MALRD1: variants seen among roughly 807,000 people sequenced by gnomAD.
The protein encoded by MALRD1 is MAM and LDL receptor class A domain containing 1.
MALRD1 carries 247 observed loss-of-function variants against 242.1 expected under a neutral mutation model. That is an observed-to-expected ratio of 1.02 (90% CI 0.92 to 1.13). The LOEUF (loss-of-function observed/expected upper bound fraction) is 1.13. MALRD1 is among the 50% of genes most tolerant of loss of function. The pLI is 0.00. For missense variants in MALRD1, 2,989 were observed against 2,533.1 expected (o/e 1.18, Z -3.86); for synonymous variants, 995 against 866.6 (o/e 1.15, Z -2.60).
rs752446407 is a variant in MALRD1, at chr10:19,450,318, A to G, written c.4857A>G (p.Gly1619=). The change falls in exon 29 of 40, where the codon GGA becomes GGG. Residue 1619 remains glycine (G), a synonymous_variant. Transcript: ENST00000454679. ...SIQILIKTEK[G]LSKVWQESKQ... ...TTCTTTACTTTCAGACAGAGAAAGG[A>G]CTATCAAAAGTATGGCAAGAAAGTA... is the stretch of plus-strand genomic sequence containing the variant. 7 of 1,548,194 alleles carry G rather than the reference A, an allele frequency of 4.5e-6. No homozygotes were observed. Among genetic ancestry groups the G allele is most frequent in the East Asian group, 4.9e-5 (2 of 40,902 alleles).
intron 4 of MALRD1, among the ~76,000 whole-genome samples, chr10:19,098,945 A>T (rs1836145484): frequency 6.6e-6 from 1 of 152,176 alleles, no homozygotes; most frequent in Non-Finnish European, 1.5e-5. Flanking sequence ...TTATTTGCAT[A>T]AGGCACAAAA....
At chr10:19,696,762 A>G (rs892475595) in intron 38 of MALRD1, among the ~76,000 whole-genome samples, 1 of 151,788 alleles carries the variant, frequency 6.6e-6, no homozygotes, top group Non-Finnish European at 1.5e-5. Context: ...AAAAAAAAAA[A>G]AAAATTAGCC....
intron 18 of MALRD1, among the ~76,000 whole-genome samples, chr10:19,229,576 T>C (rs34615272): frequency 0.03 from 4,627 of 152,286 alleles, 107 homozygotes; most frequent in Non-Finnish European, 0.048. Flanking sequence ...AATCCAAATT[T>C]ATTCTCTCGT....
chr10:19,225,521 T>C (rs1223463026), intron 18 of MALRD1, among the ~76,000 whole-genome samples: 1 of 96,314 alleles, frequency 1.0e-5, no homozygotes, highest in Non-Finnish European at 2.1e-5. Flanking sequence ...TATATATATT[T>C]TTTCTGTCAT....
At position 19,048,853 on chromosome 10, in the gene MALRD1, A is replaced by G; in HGVS notation, c.-86A>G. 9.4e-7 allele frequency: 1 copy of G among 1,068,234 alleles called. No individual in the cohort carries two copies. 66.2% of individuals were successfully genotyped at this position (1,068,234 alleles called of 1,614,324 possible). A position where few individuals can be genotyped will look rare whatever the true frequency, so the allele number is the denominator to read the frequency against. On this transcript the variant is annotated 5_prime_UTR_variant, in exon 1 of 40. Transcript: ENST00000454679. Reference sequence around the variant, plus strand: ...CCAGTTATAAGAAGCAAATCTGGGAAAGGAAGAATAGAGAAATAAAAGAAT... The same window carrying G: ...CCAGTTATAAGAAGCAAATCTGGGAGAGGAAGAATAGAGAAATAAAAGAAT...
intron 5 of MALRD1, among the ~76,000 whole-genome samples, chr10:19,106,792 G>T (rs1461729299): frequency 1.3e-5 from 2 of 151,678 alleles, no homozygotes; most frequent in African/African-American, 4.8e-5. Context: ...TCTTAGAATT[G>T]GTTTTGCTGT....
chr10:19,109,425 T>G (rs955918520), intron 5 of MALRD1, among the ~76,000 whole-genome samples: 1 of 152,138 alleles, frequency 6.6e-6, no homozygotes, highest in African/African-American at 2.4e-5. Flanking sequence ...CTGCTCTATC[T>G]CCGGGTCAGT....
chr10:19,072,829 T>C (rs12269535), intron 2 of MALRD1, among the ~76,000 whole-genome samples: 5,070 of 152,220 alleles, frequency 0.033, 259 homozygotes, highest in African/African-American at 0.12. Flanking sequence ...TTAAAATAAA[T>C]ACTTTTAGTA....
chr10:19,690,210 A>T (rs1170290004), intron 36 of MALRD1, among the ~76,000 whole-genome samples: 1 of 152,072 alleles, frequency 6.6e-6, no homozygotes, highest in Non-Finnish European at 1.5e-5. Flanking sequence ...AAATAACTAA[A>T]ATTCAACATA....
chr10:19,316,590 A>G (rs1263977964), intron 21 of MALRD1, among the ~76,000 whole-genome samples: 1 of 151,892 alleles, frequency 6.6e-6, no homozygotes, highest in Non-Finnish European at 1.5e-5. Flanking sequence ...TTATCATCAC[A>G]CAATGGGGTT....
At chr10:19,217,716 G>T (rs1230461142) in intron 18 of MALRD1, among the ~76,000 whole-genome samples, 1 of 141,238 alleles carries the variant, frequency 7.1e-6, no homozygotes, top group Non-Finnish European at 1.5e-5. Flanking sequence ...TAGTAGAGAC[G>T]GATTTCGCTA....
In MALRD1 at chr10:19,352,198, C is replaced by T. The variant is rs1844413181; in HGVS notation, c.4342C>T (p.Gln1448Ter). Reference protein sequence around the residue: ...LKFEGRVGKGQRGDIALDDIV... With the variant: ...LKFEGRVGKG ...ATTTGAAGGTAGAGTTGGGAAAGGT[C>T]AGCGTGGAGACATTGCACTTGATGA... Residue 1448 changes from glutamine to a stop codon, truncating the protein, a stop_gained, in exon 26 of 40, where the codon CAG becomes TAG. Transcript: ENST00000454679. LOFTEE classifies it high-confidence loss of function. 4 of 1,550,426 alleles carry T rather than the reference C, an allele frequency of 2.6e-6. No homozygotes were observed. Among genetic ancestry groups the T allele is most frequent in the East Asian group, 4.9e-5 (2 of 40,872 alleles).
chr10:19,176,872 G>A lies in MALRD1; in HGVS notation c.1951+1544G>A, dbSNP rs553277078. Reference sequence around the variant, plus strand: ...TGTGTGTGTGCGTGCATGTGTGCATGTGTGTGTGTGTGTGTGCATGGGTGT... The same window carrying A: ...TGTGTGTGTGCGTGCATGTGTGCATATGTGTGTGTGTGTGTGCATGGGTGT... On this transcript the variant is annotated intron_variant, in intron 14 of 39. Coordinates refer to ENST00000454679, the MANE Select transcript of MALRD1 (RefSeq NM_001142308.3). Among the ~76,000 whole-genome samples the A allele has an allele frequency of 2.0e-4, 14 of 69,216 alleles. No individual in the cohort carries two copies. In the South Asian group the frequency reaches 4.5e-3, roughly 22 times the overall value. The allele number at this position is 69,216 out of a possible 152,430, so 45.4% of individuals were successfully genotyped here.
At chr10:19,200,557 C>G (rs77184104) in intron 14 of MALRD1, among the ~76,000 whole-genome samples, 1,699 of 149,992 alleles carry the variant, frequency 0.011, 33 homozygotes, top group African/African-American at 0.04. Flanking sequence ...TAGAATCATA[C>G]TGAACCATCA....
intron 4 of MALRD1, among the ~76,000 whole-genome samples, chr10:19,094,958 C>A (rs991840188): frequency 2.0e-5 from 3 of 152,138 alleles, no homozygotes; most frequent in African/African-American, 4.8e-5. Flanking sequence ...ACAAAATTTT[C>A]CTGTTAAACA....
chr10:19,397,233 T>G (rs1387979054), intron 28 of MALRD1, among the ~76,000 whole-genome samples: 1 of 152,158 alleles, frequency 6.6e-6, no homozygotes, highest in Non-Finnish European at 1.5e-5. Context: ...AATCTCTCCC[T>G]ATCTTCACCT....
At chr10:19,433,227 G>C (rs969650881) in intron 28 of MALRD1, among the ~76,000 whole-genome samples, 8 of 152,226 alleles carry the variant, frequency 5.3e-5, no homozygotes, top group African/African-American at 1.9e-4. Flanking sequence ...TGTATGGCAG[G>C]GAGGCATGCC....
At chr10:19,138,958 A>G (rs1833449116) in intron 10 of MALRD1, among the ~76,000 whole-genome samples, 1 of 152,198 alleles carries the variant, frequency 6.6e-6, no homozygotes, top group Admixed American at 6.5e-5. Context: ...CAACAAAAAC[A>G]GTGTTACTTA....
At chr10:19,350,483 G>A (rs575808795) in intron 25 of MALRD1, among the ~76,000 whole-genome samples, 14 of 151,778 alleles carry the variant, frequency 9.2e-5, no homozygotes, top group African/African-American at 3.4e-4. Context: ...CACCAAGTTG[G>A]CAAGGCTGGT....
Sources: gnomAD v4.1 joint callset for allele counts (sites outside exome capture counted in the v4.1 genomes callset) on GRCh38, gnomAD v4.1.1 for gene constraint, MANE v1.5 for transcripts, NCBI Gene and HGNC (gene_info 2026-07-23, HGNC 2026-07-21) for gene names.